Variants in CUBN observed in about 807,000 individuals in gnomAD.
The protein encoded by CUBN is cubilin.
CUBN carries 282 observed loss-of-function variants against 405.3 expected under a neutral mutation model. The observed-to-expected ratio is 0.70, with a 90% confidence interval of 0.63 to 0.77. The LOEUF (loss-of-function observed/expected upper bound fraction) is 0.77. CUBN is among the 30% of genes least tolerant of loss of function. CUBN has a pLI of 0.00. For synonymous variants in CUBN, 1,684 were observed against 1,617.0 expected (o/e 1.04, Z -0.99); for missense variants, 4,514 against 4,475.2 (o/e 1.01, Z -0.25).
At chr10:17,120,934 C>T (rs558923516) in intron 6 of CUBN, among the ~76,000 whole-genome samples, 1 of 152,244 alleles carries the variant, frequency 6.6e-6, no homozygotes, top group South Asian at 2.1e-4. Flanking sequence ...GTTCTAGGAG[C>T]CTGGACATTT....
intron 44 of CUBN, 124 bp downstream of exon 44, chr10:16,919,839 A>G: frequency 9.3e-7 from 1 of 1,075,912 alleles, no homozygotes; most frequent in South Asian, 1.3e-5. Context: ...GCCATTAAGC[A>G]TTTCCCTTTT....
In CUBN at chr10:16,841,044, A is replaced by G. The variant is rs143533714; in HGVS notation, c.9667T>C (p.Tyr3223His). Residue 3223 changes from tyrosine to histidine, a missense_variant, in exon 61 of 67, where the codon TAT (tyrosine) becomes CAT (histidine). Around this residue, in one of 5 missense-constraint regions of CUBN, gnomAD observed 1,186 missense variants for 1,186.9 expected, o/e 1.00. Transcript: ENST00000377833. ...QRCLYDYVKL[Y>H]DGDSENANLA... ...TTCGCATTTTCACTATCCCCATCATATAACTGAGAAGAAAAACAATTCATT... is the reference window on the plus strand; with the variant it reads ...TTCGCATTTTCACTATCCCCATCATGTAACTGAGAAGAAAAACAATTCATT... 44 of 1,614,034 alleles carry G rather than the reference A, an allele frequency of 2.7e-5. No individual in the cohort carries two copies. The African/African-American group carries it at 4.9e-4, about 18-fold the overall frequency.
At chr10:17,077,623 C>T (rs559438818) in intron 17 of CUBN, among the ~76,000 whole-genome samples, 5 of 152,146 alleles carry the variant, frequency 3.3e-5, no homozygotes, top group South Asian at 2.1e-4. Context: ...AGAACCACAC[C>T]GTATGGTAGT....
rs980676763 is a variant in CUBN at position 17,026,644 on chromosome 10, A to T, written c.4018-6661T>A. 7.6e-5 allele frequency among the ~76,000 whole-genome samples: 8 copies of T among 105,738 alleles called. No individual in the cohort carries two copies. The East Asian group carries it at 8.0e-4, about 11-fold the overall frequency. The allele number at this position is 105,738 out of a possible 152,430, so 69.4% of individuals were successfully genotyped here. On this transcript the variant is annotated intron_variant, in intron 27 of 66. Transcript: ENST00000377833. ...GCAAGATTCTCTCAAAAAAAAAAAT[A>T]AATAAATAAATAATAAGAATCACAG...
chr10:17,081,419 T>A (rs1394346187), intron 17 of CUBN, among the ~76,000 whole-genome samples: 1 of 152,152 alleles, frequency 6.6e-6, no homozygotes, highest in Non-Finnish European at 1.5e-5. Flanking sequence ...ATCAATGGAG[T>A]CAGTAAAGGA....
At chr10:17,048,500 C>T (rs45582232) in intron 22 of CUBN, among the ~76,000 whole-genome samples, 5,541 of 151,910 alleles carry the variant, frequency 0.036, 220 homozygotes, top group South Asian at 0.21. Context: ...GCTTTTGAGA[C>T]AGGGTCTTGC....
Position 16,919,988 on chromosome 10 carries a change from G to C in CUBN, c.6796C>G (p.Arg2266Gly), listed in dbSNP as rs373056649. Residue 2266 changes from arginine (R) to glycine (G), a missense_variant, in exon 44 of 67, where the codon CGA becomes GGA. Coordinates refer to ENST00000377833, the MANE Select transcript of CUBN (RefSeq NM_001081.4). ...ETRIQLQFED[R>G]FDIEVTPNCT... Reference sequence around the variant, plus strand: ...TTGGGTGTTACTTCAATATCGAATCGATCTTCAAATTGCAGCTGTATGCGT... The same window carrying C: ...TTGGGTGTTACTTCAATATCGAATCCATCTTCAAATTGCAGCTGTATGCGT... The C allele has an allele frequency of 6.2e-7, 1 of 1,613,536 alleles. No homozygotes were observed. Among genetic ancestry groups the C allele is most frequent in the Non-Finnish European group, 8.5e-7 (1 of 1,179,934 alleles).
intron 56 of CUBN, among the ~76,000 whole-genome samples, chr10:16,887,404 A>G (rs1840852230): frequency 6.6e-6 from 1 of 152,230 alleles, no homozygotes. Context: ...TGAAATTTTA[A>G]TCACGTTTAC....
Position 16,915,906 on chromosome 10 carries a change from G to C in CUBN, c.7125C>G (p.Leu2375=). The change falls in exon 46 of 67, where the codon CTC becomes CTG. Residue 2375 remains leucine (L), a synonymous_variant. Coordinates refer to ENST00000377833, the MANE Select transcript of CUBN (RefSeq NM_001081.4). The stretch of plus-strand genomic sequence containing the variant: ...GGTTAAAGTCTTCAAAAGAGATGGT[G>C]AGATAGTGTCCAGAGAGCCCCTGGA... ...WHLQGLSGHY[L]TISFEDFNLQ... is the part of the protein sequence containing the mutation. 1.2e-6 allele frequency: 2 copies of C among 1,614,194 alleles called. No individual in the cohort carries two copies. The highest frequency in any genetic ancestry group is 1.7e-6 in the Non-Finnish European group (2 of 1,180,020).
chr10:16,838,654 GT>G (rs1231174865), intron 62 of CUBN, among the ~76,000 whole-genome samples: 1 of 152,154 alleles, frequency 6.6e-6, no homozygotes, highest in African/African-American at 2.4e-5. Flanking sequence ...TTTTGTTGTT[GT>G]TGTTGTTGAG....
At position 16,900,709 on chromosome 10, in the gene CUBN, A is replaced by G. The variant is rs1841336682; in HGVS notation, c.8326T>C (p.Ser2776Pro). 1 of 1,614,206 alleles carries G rather than the reference A, an allele frequency of 6.2e-7. No individual in the cohort carries two copies. Among genetic ancestry groups the G allele is most frequent in the Non-Finnish European group, 8.5e-7 (1 of 1,180,024 alleles). Residue 2776 changes from serine (S) to proline (P), a missense_variant, in exon 53 of 67, where the codon TCC becomes CCC. This residue lies in a region of CUBN where 1,186 missense variants were observed against 1,186.9 expected (regional missense o/e 1.00). Transcript: ENST00000377833. ...NSNPRTIQSG[S>P]NQLVVTFNSD... ...TTAAAAGTCACGACCAGCTGATTGGAACCTGACTGTATTGTCCTGGGGTTT... is the reference window on the plus strand; with the variant it reads ...TTAAAAGTCACGACCAGCTGATTGGGACCTGACTGTATTGTCCTGGGGTTT...
intron 31 of CUBN, among the ~76,000 whole-genome samples, chr10:16,974,821 A>G (rs1319846082): frequency 2.6e-5 from 4 of 152,204 alleles, no homozygotes; most frequent in African/African-American, 9.7e-5. Context: ...ATGAGGATGA[A>G]GACCTTTATG....
chr10:16,873,407 A>T (rs1234723523), intron 58 of CUBN, among the ~76,000 whole-genome samples: 1 of 152,082 alleles, frequency 6.6e-6, no homozygotes, highest in Non-Finnish European at 1.5e-5. Flanking sequence ...ATAAAAATAG[A>T]TTTCTTAAGT....
At chr10:17,006,491 C>G (rs145857041) in intron 28 of CUBN, among the ~76,000 whole-genome samples, 1 of 152,168 alleles carries the variant, frequency 6.6e-6, no homozygotes, top group African/African-American at 2.4e-5. Flanking sequence ...TACATGTACT[C>G]TAAGTCACAA....
chr10:17,039,958 A>C (rs1834980405), intron 27 of CUBN, among the ~76,000 whole-genome samples: 1 of 152,222 alleles, frequency 6.6e-6, no homozygotes, highest in African/African-American at 2.4e-5. Context: ...TTTCATAAAC[A>C]AAAGTGCTAT....
chr10:17,045,010 C>T lies in CUBN; in HGVS notation c.3669G>A (p.Leu1223=). Residue 1223 remains leucine, a synonymous_variant, in exon 25 of 67, where the codon CTG becomes CTA. Transcript: ENST00000377833. ...ATGATGGAAACATTATACATACAGCCAGGTAATCTAAAGTGCAGTTTGGAT... is the reference window on the plus strand; with the variant it reads ...ATGATGGAAACATTATACATACAGCTAGGTAATCTAAAGTGCAGTTTGGAT... ...EHHPNCTLDY[L]AVYDGPSSNS... 6.2e-7 allele frequency: 1 copy of T among 1,613,720 alleles called. No individual in the cohort carries two copies. The highest frequency in any genetic ancestry group is 8.5e-7 in the Non-Finnish European group (1 of 1,179,722).
rs761568331 is a variant in CUBN, at chr10:16,949,981, ATGAGTGAACGC to A, written c.5080+9_5080+19del. The stretch of plus-strand genomic sequence containing the variant: ...AGCACAGCCAAGACCACAGATGTAG[ATGAGTGAACGC>A]TGAGGTACCTCGGAGGGGCGCGTCT... On this transcript the variant is annotated intron_variant, in intron 34 of 66. Transcript: ENST00000377833. The A allele has an allele frequency of 3.2e-5, 50 of 1,556,698 alleles. No individual in the cohort carries two copies. The East Asian group carries it at 1.1e-3, about 34-fold the overall frequency.
In CUBN at chr10:16,943,056, T is replaced by C. The variant is rs976941786; in HGVS notation, c.5343-2819A>G. On this transcript the variant is annotated intron_variant, in intron 36 of 66. Transcript: ENST00000377833. ...GCTAATGGAGGAGAATAGTTAGAGA[T>C]AACCAGCCTGGAGGCTCTGACCACC... Among the ~76,000 whole-genome samples, 17 of 152,340 alleles carry C rather than the reference T, an allele frequency of 1.1e-4. 5 individuals carry two copies. Among genetic ancestry groups the C allele is most frequent in the Admixed American group, 2.0e-4 (3 of 15,302 alleles).
intron 29 of CUBN, among the ~76,000 whole-genome samples, chr10:16,987,723 T>C (rs1183392632): frequency 6.6e-6 from 1 of 152,182 alleles, no homozygotes; most frequent in Non-Finnish European, 1.5e-5. Flanking sequence ...TACTAACATG[T>C]TATCAGCAGC....
Sources: allele counts gnomAD v4.1 joint callset (sites outside exome capture counted in the v4.1 genomes callset), GRCh38; gene constraint gnomAD v4.1.1; regional missense constraint gnomAD v4.1.1; transcripts MANE v1.5; gene names NCBI Gene and HGNC (gene_info 2026-07-23, HGNC 2026-07-21).